RICTOR: variants seen among roughly 807,000 people sequenced by gnomAD.
The protein encoded by RICTOR is RPTOR independent companion of MTOR complex 2.
RICTOR carries 49 observed loss-of-function variants against 214.9 expected under a neutral mutation model. The observed-to-expected ratio is 0.23, with a 90% CI of 0.18 to 0.29. The LOEUF (loss-of-function observed/expected upper bound fraction) is 0.29, where lower values mean the gene tolerates loss of function less well. Ranked by LOEUF, RICTOR falls within the 10% of genes least tolerant of loss-of-function variation. The probability of loss-of-function intolerance (pLI) is 1.00; values close to 1 mark genes in which losing one functional copy is unlikely to be tolerated. For synonymous variants in RICTOR, 717 were observed against 711.3 expected, an observed-to-expected ratio of 1.01 and a Z score of -0.13; for missense variants, 1,625 against 2,047.0, an observed-to-expected ratio of 0.79 and a Z score of 3.98.
intron 7 of RICTOR, among the ~76,000 whole-genome samples, chr5:38,985,699 AT>A (rs879607378): frequency 1.8e-3 from 252 of 139,202 alleles, no homozygotes; most frequent in African/African-American, 2.5e-3. Flanking sequence ...CTACAATTCT[AT>A]TTTTTTTTTT....
At position 39,025,553 on chromosome 5, in the gene RICTOR, T is replaced by C. The variant is rs550086092; in HGVS notation, c.98-4417A>G. ...ATAAAACTAAATAATGGAGACCGAA[T>C]GGCTTATTAAGCAACAGAAGTTTAT... On this transcript the variant is annotated intron_variant, in intron 2 of 37. Transcript: ENST00000357387. 1.2e-3 allele frequency among the ~76,000 whole-genome samples: 181 copies of C among 152,354 alleles called. 1 individual carries two copies. In the Middle Eastern group the frequency reaches 0.014, roughly 11 times the overall value.
At chr5:39,018,685 C>T (rs1215874620) in intron 3 of RICTOR, among the ~76,000 whole-genome samples, 1 of 152,098 alleles carries the variant, frequency 6.6e-6, no homozygotes, top group African/African-American at 2.4e-5. Flanking sequence ...AATTCCTCCA[C>T]CAACTAGCTG....
chr5:38,952,273 G>A lies in RICTOR; in HGVS notation c.3050C>T (p.Ser1017Phe), dbSNP rs542644321. 1 of 1,612,994 alleles carries A rather than the reference G, an allele frequency of 6.2e-7. No homozygotes were observed. Among genetic ancestry groups the A allele is most frequent in the African/African-American group, 1.3e-5 (1 of 74,944 alleles). ...DVEQLCNELS[S>F]IPSTLSLNSE... ...GTTCAAACTTAGAGTGCTTGGGATA[G>A]ATGAAAGTTCATTACAGAGTTGTTC... The change falls in exon 30 of 38, where the codon TCT becomes TTT. Residue 1017 changes from serine (S) to phenylalanine (F), a missense_variant. Ser to Phe is a radical substitution (Grantham distance 155). Transcript: ENST00000357387.
At chr5:39,015,753 G>A (rs1002717040) in intron 3 of RICTOR, among the ~76,000 whole-genome samples, 2 of 151,806 alleles carry the variant, frequency 1.3e-5, no homozygotes, top group African/African-American at 4.8e-5. Flanking sequence ...CTAGAGAAGT[G>A]ACAAAAAACA....
intron 8 of RICTOR, among the ~76,000 whole-genome samples, chr5:38,980,712 G>A (rs1385539518): frequency 6.6e-6 from 1 of 151,986 alleles, no homozygotes; most frequent in African/African-American, 2.4e-5. Context: ...CAGGTGTGGT[G>A]GCATGTAACT....
chr5:38,989,669 C>T (rs1202407524), intron 7 of RICTOR, among the ~76,000 whole-genome samples: 1 of 151,888 alleles, frequency 6.6e-6, no homozygotes, highest in Non-Finnish European at 1.5e-5. Context: ...AAAAAACAAC[C>T]CCATCAAAAA....
At chr5:39,042,900 A>G (rs1038283257) in intron 2 of RICTOR, among the ~76,000 whole-genome samples, 1 of 152,194 alleles carries the variant, frequency 6.6e-6, no homozygotes, top group Non-Finnish European at 1.5e-5. Context: ...AAATGCAGGG[A>G]GCCATGAACA....
chr5:38,976,868 T>C (rs1049129009), intron 9 of RICTOR, among the ~76,000 whole-genome samples: 2 of 152,146 alleles, frequency 1.3e-5, no homozygotes, highest in Admixed American at 6.5e-5. Flanking sequence ...TATGCAGAAT[T>C]CTATATATGG....
chr5:39,038,082 C>A (rs1174681938), intron 2 of RICTOR, among the ~76,000 whole-genome samples: 3 of 152,140 alleles, frequency 2.0e-5, no homozygotes, highest in East Asian at 1.9e-4. Flanking sequence ...AAAATACTGG[C>A]AAAACAAATC....
intron 17 of RICTOR, 111 bp from the exon 18 acceptor site, chr5:38,962,697 C>A (rs2150023404): frequency 2.5e-6 from 2 of 807,992 alleles, no homozygotes; most frequent in Non-Finnish European, 3.9e-6. Flanking sequence ...AAGGATAGAT[C>A]AAGGTTTTTT....
chr5:39,047,144 A>C (rs908764786), intron 2 of RICTOR, among the ~76,000 whole-genome samples: 5 of 152,204 alleles, frequency 3.3e-5, no homozygotes, highest in African/African-American at 1.2e-4. Context: ...ACTCACATCC[A>C]AGTAGTCATC....
chr5:39,035,547 C>T (rs1468276210), intron 2 of RICTOR, among the ~76,000 whole-genome samples: 1 of 152,002 alleles, frequency 6.6e-6, no homozygotes, highest in African/African-American at 2.4e-5. Context: ...AAGTTCGAAC[C>T]AATGGCAAAG....
chr5:39,026,913 C>G (rs1561546699), intron 2 of RICTOR, among the ~76,000 whole-genome samples: 2 of 152,000 alleles, frequency 1.3e-5, no homozygotes, highest in Non-Finnish European at 1.5e-5. Context: ...GAGGCTGAGG[C>G]AGGAGAATCA....
At chr5:39,060,451 T>C (rs1253919138) in intron 2 of RICTOR, among the ~76,000 whole-genome samples, 1 of 151,930 alleles carries the variant, frequency 6.6e-6, no homozygotes, top group African/African-American at 2.4e-5. Context: ...ATAACTGCAT[T>C]GTAAAGTGAC....
In RICTOR at chr5:39,002,601, T is replaced by A; in HGVS notation, c.326A>T (p.Tyr109Phe). Reference protein sequence around the residue: ...VRAAGLRALRYLIQDSSILQK... With the variant: ...VRAAGLRALRFLIQDSSILQK... ...GAGAATACTGGAGTCTTGGATGAGA[T>A]ATCGAAGCGCTCGTAGCCCTGCTGC... Residue 109 changes from tyrosine (Y) to phenylalanine (F), a missense_variant, in exon 5 of 38, where the codon TAT becomes TTT. This residue lies in a region of RICTOR where 258 missense variants were observed against 393.7 expected (regional missense o/e 0.66). Transcript: ENST00000357387. 6.2e-7 allele frequency: 1 copy of A among 1,610,976 alleles called. No individual in the cohort carries two copies. Among genetic ancestry groups the A allele is most frequent in the South Asian group, 1.1e-5 (1 of 90,778 alleles).
chr5:38,950,848 T>G (rs1317916753), intron 30 of RICTOR, 128 bp from the exon 31 acceptor site: 2 of 626,878 alleles, frequency 3.2e-6, no homozygotes, highest in Non-Finnish European at 5.2e-6. Flanking sequence ...AATAAACGGT[T>G]AAACCATTCA....
rs549076021 is a variant in RICTOR at position 38,950,739 on chromosome 5, T to C, written c.3128-19A>G. On this transcript the variant is annotated intron_variant, in intron 30 of 37. Coordinates refer to ENST00000357387, the MANE Select transcript of RICTOR (RefSeq NM_152756.5). Reference sequence around the variant, plus strand: ...AACATACCTATGATTGAAGGATCAATTAATAAAAACACATATAAAATGACA... The same window carrying C: ...AACATACCTATGATTGAAGGATCAACTAATAAAAACACATATAAAATGACA... 3.3e-6 allele frequency: 5 copies of C among 1,533,364 alleles called. No individual in the cohort carries two copies. The African/African-American group carries it at 5.6e-5, about 17-fold the overall frequency. 95.0% of individuals were successfully genotyped at this position (1,533,364 alleles called of 1,614,324 possible).
rs575720053 is a variant in RICTOR, at chr5:39,026,456, A to G, written c.98-5320T>C. Among the ~76,000 whole-genome samples, 9 of 152,330 alleles carry G rather than the reference A, an allele frequency of 5.9e-5. No individual in the cohort carries two copies. The South Asian group carries it at 1.7e-3, about 28-fold the overall frequency. ...AAAATACAAAAGAACTACTAGAATTACAGTGGCTCTTTTCATCATATTGTG... is the reference window on the plus strand; with the variant it reads ...AAAATACAAAAGAACTACTAGAATTGCAGTGGCTCTTTTCATCATATTGTG... On this transcript the variant is annotated intron_variant, in intron 2 of 37. Transcript: ENST00000357387.
intron 17 of RICTOR, 104 bp downstream of exon 17, chr5:38,962,772 T>C (rs1490181988): frequency 1.4e-5 from 14 of 977,488 alleles, no homozygotes; most frequent in African/African-American, 4.9e-5. Flanking sequence ...AAAATTCATA[T>C]GCATGAAGAG....
Sources: allele counts gnomAD v4.1 joint callset (sites outside exome capture counted in the v4.1 genomes callset), GRCh38; gene constraint gnomAD v4.1.1; regional missense constraint gnomAD v4.1.1; transcripts MANE v1.5; gene names NCBI Gene and HGNC (gene_info 2026-07-23, HGNC 2026-07-21).